Variants in FAM107B observed in about 807,000 individuals in gnomAD.
FAM107B encodes the protein protein FAM107B.
A neutral mutation model predicts 31.5 loss-of-function variants in FAM107B; 21 were observed. The observed-to-expected ratio is 0.67, with a 90% CI of 0.47 to 0.96. FAM107B has a LOEUF of 0.96. FAM107B is among the 40% of genes least tolerant of loss of function. The pLI is 0.00. For missense variants in FAM107B, 452 were observed against 377.1 expected, an observed-to-expected ratio of 1.20 and a Z score of -1.64; for synonymous variants, 157 against 141.5, an observed-to-expected ratio of 1.11 and a Z score of -0.78.
At chr10:14,597,290 T>C (rs1312088684) in intron 2 of FAM107B, among the ~76,000 whole-genome samples, 1 of 152,226 alleles carries the variant, frequency 6.6e-6, no homozygotes, top group African/African-American at 2.4e-5. Flanking sequence ...CATAAGACTG[T>C]ACAATTTTTG....
intron 1 of FAM107B, among the ~76,000 whole-genome samples, chr10:14,732,317 C>G (rs929343041): frequency 6.6e-6 from 1 of 152,102 alleles, no homozygotes; most frequent in African/African-American, 2.4e-5. Flanking sequence ...CAGTTGCTCC[C>G]AAAGATCGGC....
intron 2 of FAM107B, among the ~76,000 whole-genome samples, chr10:14,531,910 T>C (rs1312526959): frequency 3.3e-5 from 5 of 152,182 alleles, no homozygotes; most frequent in Admixed American, 1.3e-4. Context: ...TTGGAACCCA[T>C]TCTCAGTCTA....
chr10:14,519,008 A>C lies in FAM107B; in HGVS notation c.*2182T>G, dbSNP rs913172019. 2 of 152,606 alleles carry C rather than the reference A, an allele frequency of 1.3e-5. No homozygotes were observed. The highest frequency in any genetic ancestry group is 2.9e-5 in the Non-Finnish European group (2 of 68,050). The allele number at this position is 152,606 out of a possible 1,614,324, so 9.5% of individuals were successfully genotyped here. A position where few individuals can be genotyped will look rare whatever the true frequency, so the allele number is the denominator to read the frequency against. ...AGCCCAGCTCATCTGACAACTTCAA[A>C]GAGCTTCTCTGCCTATACATTCCAC... On this transcript the variant is annotated 3_prime_UTR_variant, in exon 5 of 5. Transcript: ENST00000181796.
chr10:14,545,413 C>T (rs567709580), intron 2 of FAM107B, among the ~76,000 whole-genome samples: 58 of 152,204 alleles, frequency 3.8e-4, no homozygotes, highest in African/African-American at 1.4e-3. Context: ...ACTAACATCC[C>T]CATTAATATA....
At chr10:14,594,510 AAAAAAAAC>A in intron 2 of FAM107B, among the ~76,000 whole-genome samples, 1 of 134,760 alleles carries the variant, frequency 7.4e-6, no homozygotes, top group East Asian at 2.7e-4. Context: ...CCAAAAAAAA[AAAAAAAAC>A]AAAAAAAAAC....
In FAM107B at chr10:14,559,310, C is replaced by T. The variant is rs948226780; in HGVS notation, c.470-28795G>A. Among the ~76,000 whole-genome samples, 5 of 152,320 alleles carry T rather than the reference C, an allele frequency of 3.3e-5. No individual in the cohort carries two copies. The East Asian group carries it at 9.6e-4, about 29-fold the overall frequency. On this transcript the variant is annotated intron_variant, in intron 2 of 4. Coordinates refer to ENST00000181796, the MANE Select transcript of FAM107B (RefSeq NM_031453.4). The stretch of plus-strand genomic sequence containing the variant: ...CTCCAGGACCAAGCGCGTGAGCCAG[C>T]CACCCACCTGCGCAGCCAGCCTTCA...
chr10:14,558,302 C>T (rs1311463581), intron 2 of FAM107B, among the ~76,000 whole-genome samples: 3 of 149,066 alleles, frequency 2.0e-5, no homozygotes, highest in African/African-American at 5.2e-5. Context: ...TACACGCACA[C>T]ACGCACACAC....
intron 1 of FAM107B, among the ~76,000 whole-genome samples, chr10:14,695,217 T>C (rs944710360): frequency 6.6e-6 from 1 of 152,214 alleles, no homozygotes; most frequent in African/African-American, 2.4e-5. Flanking sequence ...TTCTTGCATG[T>C]GGAAATCCAG....
intron 2 of FAM107B, among the ~76,000 whole-genome samples, chr10:14,605,333 T>A (rs1852561378): frequency 6.6e-6 from 1 of 151,568 alleles, no homozygotes; most frequent in Admixed American, 6.6e-5. Context: ...ACAATCTACT[T>A]GAATCACAGC....
chr10:14,637,697 T>C (rs1244648493), intron 2 of FAM107B, among the ~76,000 whole-genome samples: 2 of 152,080 alleles, frequency 1.3e-5, no homozygotes, highest in Non-Finnish European at 2.9e-5. Flanking sequence ...TCCAAGATGA[T>C]TTTATTCATC....
At position 14,542,321 on chromosome 10, in the gene FAM107B, T is replaced by C. The variant is rs1324329696; in HGVS notation, c.470-11806A>G. The stretch of plus-strand genomic sequence containing the variant: ...AATGAACAGGATAATACGGGCGGTT[T>C]AGAGTACCCAAATGAAGGAACTCAC... On this transcript the variant is annotated intron_variant, in intron 2 of 4. Transcript: ENST00000181796. Among the ~76,000 whole-genome samples the C allele has an allele frequency of 2.6e-5, 4 of 151,618 alleles. No homozygotes were observed. The East Asian group carries it at 7.7e-4, about 29-fold the overall frequency.
chr10:14,549,667 C>G (rs1205067058), intron 2 of FAM107B, among the ~76,000 whole-genome samples: 2 of 152,120 alleles, frequency 1.3e-5, no homozygotes, highest in Non-Finnish European at 2.9e-5. Context: ...TGTAGAGTCA[C>G]GAGTAAACAA....
At chr10:14,599,778 T>C (rs7080243) in intron 2 of FAM107B, among the ~76,000 whole-genome samples, 23,734 of 151,852 alleles carry the variant, frequency 0.16, 1,877 homozygotes, top group Middle Eastern at 0.21. Flanking sequence ...CAACTCCCTC[T>C]TTGTGGGGAA....
intron 1 of FAM107B, among the ~76,000 whole-genome samples, chr10:14,731,846 G>A (rs1300060207): frequency 2.0e-5 from 3 of 152,296 alleles, no homozygotes; most frequent in African/African-American, 7.2e-5. Context: ...TGTGCAGTGG[G>A]CTACACCATC....
intron 2 of FAM107B, among the ~76,000 whole-genome samples, chr10:14,592,131 G>A (rs762958631): frequency 2.0e-5 from 3 of 152,296 alleles, no homozygotes; most frequent in African/African-American, 4.8e-5. Flanking sequence ...CCCCGATCCC[G>A]TGCCATCTGA....
At chr10:14,541,612 C>T (rs957330925) in intron 2 of FAM107B, among the ~76,000 whole-genome samples, 5 of 152,162 alleles carry the variant, frequency 3.3e-5, no homozygotes, top group Non-Finnish European at 5.9e-5. Flanking sequence ...GTGGAAGACT[C>T]CACTGGACGC....
chr10:14,611,225 T>A (rs1456246854), intron 2 of FAM107B, among the ~76,000 whole-genome samples: 1 of 152,134 alleles, frequency 6.6e-6, no homozygotes, highest in Non-Finnish European at 1.5e-5. Flanking sequence ...CTGTCAAAAA[T>A]ATTAAGGTAA....
rs1849376557 is a variant in FAM107B, at chr10:14,552,776, A to G, written c.470-22261T>C. 1.3e-5 allele frequency among the ~76,000 whole-genome samples: 2 copies of G among 152,126 alleles called. 1 individual carries two copies. Among genetic ancestry groups the G allele is most frequent in the South Asian group, 4.1e-4 (2 of 4,832 alleles). On this transcript the variant is annotated intron_variant, in intron 2 of 4. Coordinates refer to ENST00000181796, the MANE Select transcript of FAM107B (RefSeq NM_031453.4). ...CCCGGGAGATGGAAGGGTTGCAGTG[A>G]GCCAAAATCTCACCACTGTACTGGG...
intron 2 of FAM107B, among the ~76,000 whole-genome samples, chr10:14,614,221 G>C (rs1852797013): frequency 6.6e-6 from 1 of 152,190 alleles, no homozygotes; most frequent in South Asian, 2.1e-4. Context: ...ATGAGGTCCT[G>C]TGGGCTCTTA....
Sources: gnomAD v4.1 joint callset for allele counts (sites outside exome capture counted in the v4.1 genomes callset) on GRCh38, gnomAD v4.1.1 for gene constraint, MANE v1.5 for transcripts, NCBI Gene and HGNC (gene_info 2026-07-23, HGNC 2026-07-21) for gene names.